The following MAN1A2 variants were observed in gnomAD, a reference collection of about 807,000 sequenced individuals.
MAN1A2 encodes mannosyl-oligosaccharide 1,2-alpha-mannosidase IB.
MAN1A2 carries 26 observed loss-of-function variants against 75.7 expected under a neutral mutation model. That is an observed-to-expected ratio of 0.34 (90% CI 0.25 to 0.48). MAN1A2 has a LOEUF of 0.48. Among genes scored for constraint, MAN1A2 ranks in the 20% least tolerant of loss-of-function variants. The pLI, the probability that MAN1A2 is intolerant of heterozygous loss-of-function variation, is 0.99. For missense variants in MAN1A2, 562 were observed against 775.5 expected (o/e 0.72, Z 3.27); for synonymous variants, 247 against 264.6 (o/e 0.93, Z 0.65).
At chr1:117,497,837 C>A (rs541712260) in intron 10 of MAN1A2, among the ~76,000 whole-genome samples, 1 of 151,756 alleles carries the variant, frequency 6.6e-6, no homozygotes, top group African/African-American at 2.4e-5. Context: ...ATAATGAGCT[C>A]CCTGAAAGCC....
intron 10 of MAN1A2, among the ~76,000 whole-genome samples, chr1:117,497,901 A>G (rs1296478790): frequency 6.6e-6 from 1 of 151,938 alleles, no homozygotes; most frequent in Non-Finnish European, 1.5e-5. Context: ...GATTTTATTA[A>G]ATAACAATTT....
chr1:117,528,600 A>G lies in MAN1A2; in HGVS notation c.*5643A>G, dbSNP rs1652091250. 6.6e-6 allele frequency: 1 copy of G among 152,152 alleles called. No individual in the cohort carries two copies. 9.4% of individuals were successfully genotyped at this position (152,152 alleles called of 1,614,324 possible). Reference sequence around the variant, plus strand: ...CTTCATTGGGAAAAAATATTTTTAAAGAAAATTTAGAAGTTTTTGCTGAAT... The same window carrying G: ...CTTCATTGGGAAAAAATATTTTTAAGGAAAATTTAGAAGTTTTTGCTGAAT... On this transcript the variant is annotated 3_prime_UTR_variant, in exon 13 of 13. Coordinates refer to ENST00000356554, the MANE Select transcript of MAN1A2 (RefSeq NM_006699.5).
Position 117,376,219 on chromosome 1 carries a change from T to C in MAN1A2, c.302+7734T>C, listed in dbSNP as rs1653134619. ...GCCCACTGCGCCCGGCCCTAATTTA[T>C]GTATTTCTAATATACGGTCTGGGTT... On this transcript the variant is annotated intron_variant, in intron 1 of 12. Coordinates refer to ENST00000356554, the MANE Select transcript of MAN1A2 (RefSeq NM_006699.5). Among the ~76,000 whole-genome samples, 4 of 152,336 alleles carry C rather than the reference T, an allele frequency of 2.6e-5. No individual in the cohort carries two copies. The South Asian group carries it at 8.3e-4, about 32-fold the overall frequency.
intron 5 of MAN1A2, among the ~76,000 whole-genome samples, 164 bp downstream of exon 5, chr1:117,420,813 T>G (rs1450477409): frequency 1.3e-5 from 2 of 152,038 alleles, no homozygotes; most frequent in East Asian, 3.9e-4. Flanking sequence ...ATAATAATTT[T>G]TCCATTTTGA....
chr1:117,525,135 CTATTTG>C lies in MAN1A2; in HGVS notation c.*2183_*2188del, dbSNP rs1317453202. The C allele has an allele frequency of 1.9e-6, 1 of 528,770 alleles. No individual in the cohort carries two copies. Among genetic ancestry groups the C allele is most frequent in the Non-Finnish European group, 3.9e-6 (1 of 258,090 alleles). The allele number at this position is 528,770 out of a possible 1,614,324, so 32.8% of individuals were successfully genotyped here. A position where few individuals can be genotyped will look rare whatever the true frequency, so the allele number is the denominator to read the frequency against. ...GACAGAACCCCTACTTCCAAGTGCTCTATTTGTATTACCCAGATGACTGAAGCTTAA... is the reference window on the plus strand; with the variant it reads ...GACAGAACCCCTACTTCCAAGTGCTCTATTACCCAGATGACTGAAGCTTAA... On this transcript the variant is annotated 3_prime_UTR_variant, in exon 13 of 13. Coordinates refer to ENST00000356554, the MANE Select transcript of MAN1A2 (RefSeq NM_006699.5).
Position 117,405,456 on chromosome 1 carries a change from C to T in MAN1A2, c.559-93C>T. The T allele has an allele frequency of 4.0e-6, 3 of 750,468 alleles. No homozygotes were observed. In the East Asian group the frequency reaches 7.5e-5, roughly 19 times the overall value. 46.5% of individuals were successfully genotyped at this position (750,468 alleles called of 1,614,324 possible). A position where few individuals can be genotyped will look rare whatever the true frequency, so the allele number is the denominator to read the frequency against. ...ACTAATATAGATCTGGAAGAATGGG[C>T]AAGGATATAGTAATAGAACCCAAAA... On this transcript the variant is annotated intron_variant, in intron 2 of 12. Coordinates refer to ENST00000356554, the MANE Select transcript of MAN1A2 (RefSeq NM_006699.5).
chr1:117,439,902 G>A (rs1397330762), intron 5 of MAN1A2, among the ~76,000 whole-genome samples: 1 of 152,100 alleles, frequency 6.6e-6, no homozygotes, highest in Admixed American at 6.5e-5. Context: ...ATATATGGAG[G>A]GCAAATTGGT....
At chr1:117,471,077 C>T (rs191051037) in intron 8 of MAN1A2, among the ~76,000 whole-genome samples, 42 of 151,342 alleles carry the variant, frequency 2.8e-4, no homozygotes, top group African/African-American at 8.5e-4. Flanking sequence ...AATACTTAGC[C>T]TATGTCATTT....
At chr1:117,453,837 A>G (rs1341338829) in intron 6 of MAN1A2, among the ~76,000 whole-genome samples, 1 of 152,194 alleles carries the variant, frequency 6.6e-6, no homozygotes, top group East Asian at 1.9e-4. Flanking sequence ...TTGCAGAGAA[A>G]TCAAACAGGA....
intron 7 of MAN1A2, among the ~76,000 whole-genome samples, chr1:117,461,657 ACT>A (rs943306855): frequency 5.3e-5 from 8 of 152,114 alleles, no homozygotes; most frequent in Non-Finnish European, 8.8e-5. Flanking sequence ...AATATGTATA[ACT>A]CTTTATATCC....
intron 12 of MAN1A2, among the ~76,000 whole-genome samples, chr1:117,512,829 G>A (rs1651582068): frequency 6.7e-6 from 1 of 149,538 alleles, no homozygotes; most frequent in Non-Finnish European, 1.5e-5. Context: ...TTTAATATAA[G>A]CATTTTTCCA....
rs1652811439 is a variant in MAN1A2, at chr1:117,367,650, C to T, written c.-534C>T. ...ACTTCGCCCAGCGCCGCTGCTTCGGCTTCCCAGCGAAGTGGGAGACCTTCC... is the reference window on the plus strand; with the variant it reads ...ACTTCGCCCAGCGCCGCTGCTTCGGTTTCCCAGCGAAGTGGGAGACCTTCC... On this transcript the variant is annotated 5_prime_UTR_variant, in exon 1 of 13. Transcript: ENST00000356554. 2 of 152,378 alleles carry T rather than the reference C, an allele frequency of 1.3e-5. No individual in the cohort carries two copies. Among genetic ancestry groups the T allele is most frequent in the African/African-American group, 4.8e-5 (2 of 41,474 alleles). 9.4% of individuals were successfully genotyped at this position (152,378 alleles called of 1,614,324 possible).
chr1:117,431,256 A>T (rs1051053902), intron 5 of MAN1A2, among the ~76,000 whole-genome samples: 3 of 146,166 alleles, frequency 2.1e-5, no homozygotes, highest in African/African-American at 5.1e-5. Flanking sequence ...AATGAAAAAA[A>T]GGATCCATTC....
intron 6 of MAN1A2, among the ~76,000 whole-genome samples, chr1:117,447,816 T>C (rs1649287136): frequency 6.6e-6 from 1 of 152,104 alleles, no homozygotes; most frequent in South Asian, 2.1e-4. Flanking sequence ...AAATTGCACA[T>C]TTTTTTGCTA....
At chr1:117,378,619 A>G (rs1229733549) in intron 1 of MAN1A2, among the ~76,000 whole-genome samples, 4 of 145,980 alleles carry the variant, frequency 2.7e-5, no homozygotes, top group Non-Finnish European at 4.5e-5. Flanking sequence ...ACTGGGTTGT[A>G]GGGTATGTGT....
At chr1:117,501,092 T>C (rs1040178460) in intron 11 of MAN1A2, among the ~76,000 whole-genome samples, 1 of 151,774 alleles carries the variant, frequency 6.6e-6, no homozygotes, top group African/African-American at 2.4e-5. Context: ...TAATGTCCTT[T>C]TTTCCTGTGT....
intron 9 of MAN1A2, 151 bp from the exon 10 acceptor site, chr1:117,496,612 G>A (rs1651042549): frequency 1.3e-5 from 8 of 596,328 alleles, no homozygotes; most frequent in Middle Eastern, 8.9e-4. Context: ...CACCCACTCC[G>A]ACACTTGCTG....
intron 8 of MAN1A2, among the ~76,000 whole-genome samples, chr1:117,489,987 TC>T (rs1650830230): frequency 6.6e-6 from 1 of 151,786 alleles, no homozygotes; most frequent in Admixed American, 6.6e-5. Flanking sequence ...GAAGCAGAGT[TC>T]AAGGATATAG....
intron 8 of MAN1A2, among the ~76,000 whole-genome samples, chr1:117,490,321 G>A (rs1650840977): frequency 4.0e-5 from 6 of 151,882 alleles, no homozygotes; most frequent in Admixed American, 3.9e-4. Context: ...GGTAATTCTT[G>A]CAATATTTCA....
Sources: allele counts gnomAD v4.1 joint callset (sites outside exome capture counted in the v4.1 genomes callset), GRCh38; gene constraint gnomAD v4.1.1; transcripts MANE v1.5; gene names NCBI Gene and HGNC (gene_info 2026-07-23, HGNC 2026-07-21).